TTC28: variants seen among roughly 807,000 people sequenced by gnomAD.
TTC28 encodes the protein tetratricopeptide repeat domain 28, also known as tetratricopeptide repeat protein 28.
A neutral mutation model predicts 198.0 loss-of-function variants in TTC28; 61 were observed. The ratio of observed to expected loss-of-function variants is 0.31; its 90% CI spans 0.25 to 0.38. The LOEUF is 0.38. Among genes scored for constraint, TTC28 ranks in the 10% least tolerant of loss-of-function variants. The pLI, the probability that TTC28 is intolerant of heterozygous loss-of-function variation, is 1.00. For missense variants in TTC28, 2,678 were observed against 3,164.0 expected (o/e 0.85, Z 3.69); for synonymous variants, 1,171 against 1,297.8 (o/e 0.90, Z 2.10).
At chr22:28,310,190 G>A (rs2045231802) in intron 2 of TTC28, among the ~76,000 whole-genome samples, 1 of 143,856 alleles carries the variant, frequency 7.0e-6, no homozygotes, top group Non-Finnish European at 1.5e-5. Flanking sequence ...CAAGACAAGA[G>A]CACCCTCAAG....
intron 12 of TTC28, among the ~76,000 whole-genome samples, chr22:28,062,106 G>A (rs1940565134): frequency 6.6e-6 from 1 of 151,928 alleles, no homozygotes. Context: ...GGAATGCAGT[G>A]GTGTGATTTC....
At chr22:28,394,749 T>A (rs1235751703) in intron 2 of TTC28, among the ~76,000 whole-genome samples, 1 of 152,158 alleles carries the variant, frequency 6.6e-6, no homozygotes, top group Non-Finnish European at 1.5e-5. Context: ...ATGAGGGTGG[T>A]CTCTTGCTTT....
chr22:28,522,189 G>A (rs991668086), intron 2 of TTC28, among the ~76,000 whole-genome samples: 4 of 152,100 alleles, frequency 2.6e-5, no homozygotes, highest in Non-Finnish European at 5.9e-5. Flanking sequence ...TGATTAATAC[G>A]TTTAAGAAAA....
At chr22:28,511,393 A>G (rs1052545284) in intron 2 of TTC28, among the ~76,000 whole-genome samples, 1 of 152,214 alleles carries the variant, frequency 6.6e-6, no homozygotes, top group Admixed American at 6.5e-5. Context: ...ACCTGACAAA[A>G]ACAAGCAATG....
At chr22:28,466,911 G>A (rs1306573297) in intron 2 of TTC28, among the ~76,000 whole-genome samples, 1 of 151,748 alleles carries the variant, frequency 6.6e-6, no homozygotes, top group Non-Finnish European at 1.5e-5. Flanking sequence ...GAGGATATGA[G>A]GAGGCAACTG....
intron 2 of TTC28, among the ~76,000 whole-genome samples, chr22:28,343,283 A>C (rs898612949): frequency 6.6e-6 from 1 of 152,154 alleles, no homozygotes; most frequent in African/African-American, 2.4e-5. Flanking sequence ...TAATCCCAGC[A>C]CTTTGGGAGG....
In TTC28 at chr22:28,188,036, C is replaced by T. The variant is rs116858356; in HGVS notation, c.934-24437G>A. 1.5e-3 allele frequency among the ~76,000 whole-genome samples: 229 copies of T among 152,122 alleles called. 5 individuals carry two copies. In the East Asian group the frequency reaches 0.039, roughly 26 times the overall value. Reference sequence around the variant, plus strand: ...TTGAGTGCCTACTATGTGCTAGGTCCGGGAAATATAAAAATAAACGAGACA... The same window carrying T: ...TTGAGTGCCTACTATGTGCTAGGTCTGGGAAATATAAAAATAAACGAGACA... On this transcript the variant is annotated intron_variant, in intron 5 of 22. Coordinates refer to ENST00000397906, the MANE Select transcript of TTC28 (RefSeq NM_001145418.2).
intron 2 of TTC28, among the ~76,000 whole-genome samples, chr22:28,573,470 T>C (rs1295013349): frequency 6.6e-6 from 1 of 151,392 alleles, no homozygotes; most frequent in African/African-American, 2.4e-5. Context: ...TAAAAAATAA[T>C]AATAATAATA....
intron 12 of TTC28, among the ~76,000 whole-genome samples, chr22:28,066,957 G>A (rs1456087004): frequency 6.6e-6 from 1 of 152,108 alleles, no homozygotes; most frequent in African/African-American, 2.4e-5. Context: ...TGCACTTCCC[G>A]CGTAGATCAA....
intron 2 of TTC28, among the ~76,000 whole-genome samples, chr22:28,604,297 T>TCATA (rs1053139903): frequency 8.8e-6 from 1 of 114,142 alleles, no homozygotes; most frequent in African/African-American, 3.5e-5. Context: ...AAAAAAAAAA[T>TCATA]TATATATATA....
rs1359433523 is a variant in TTC28, at chr22:28,107,437, A to T, written c.2408T>A (p.Val803Asp). 4 of 1,551,674 alleles carry T rather than the reference A, an allele frequency of 2.6e-6. No homozygotes were observed. Among genetic ancestry groups the T allele is most frequent in the Admixed American group, 3.9e-5 (2 of 50,996 alleles). Reference protein sequence around the residue: ...ECRAHGHLAAVYMALGKYTMA... With the variant: ...ECRAHGHLAADYMALGKYTMA... ...TGTGTATTTCCCAAGGGCCATGTAG[A>T]CAGCAGCCAGGTGCCCATGAGCTCT... Residue 803 changes from valine (V) to aspartate (D), a missense_variant, in exon 7 of 23, where the codon GTC becomes GAC. Around this residue, in one of 8 missense-constraint regions of TTC28, gnomAD observed 775 missense variants for 845.9 expected, o/e 0.92. Transcript: ENST00000397906.
intron 5 of TTC28, among the ~76,000 whole-genome samples, chr22:28,178,301 C>CAAA (rs71194755): frequency 0.029 from 3,929 of 137,196 alleles, 207 homozygotes; most frequent in African/African-American, 0.1. Flanking sequence ...CTAATAAATA[C>CAAA]AAAAAAAAAA....
At chr22:28,649,278 T>G (rs532810231) in intron 1 of TTC28, among the ~76,000 whole-genome samples, 2 of 152,182 alleles carry the variant, frequency 1.3e-5, no homozygotes, top group African/African-American at 4.8e-5. Context: ...TGTACACCAC[T>G]CTGGTGATGA....
At chr22:28,644,770 C>T (rs371338369) in intron 1 of TTC28, among the ~76,000 whole-genome samples, 3 of 152,082 alleles carry the variant, frequency 2.0e-5, no homozygotes, top group South Asian at 2.1e-4. Flanking sequence ...ATGCAGTAAG[C>T]CGAGATCGCA....
At chr22:28,554,731 T>C (rs1309096936) in intron 2 of TTC28, among the ~76,000 whole-genome samples, 1 of 151,544 alleles carries the variant, frequency 6.6e-6, no homozygotes, top group African/African-American at 2.4e-5. Flanking sequence ...ATTAACCGGG[T>C]GTGGTGGCAC....
chr22:28,260,529 G>A (rs1204439329), intron 5 of TTC28, among the ~76,000 whole-genome samples: 1 of 152,036 alleles, frequency 6.6e-6, no homozygotes, highest in African/African-American at 2.4e-5. Context: ...GCCTTCTATT[G>A]TTCTTTTGAA....
intron 1 of TTC28, among the ~76,000 whole-genome samples, chr22:28,679,013 A>T (rs1449811181): frequency 2.0e-5 from 3 of 152,180 alleles, no homozygotes; most frequent in Non-Finnish European, 2.9e-5. Context: ...GCCCAGAGAC[A>T]TCCCGTCCAG....
At chr22:28,253,458 C>T (rs1301594964) in intron 5 of TTC28, among the ~76,000 whole-genome samples, 1 of 152,100 alleles carries the variant, frequency 6.6e-6, no homozygotes, top group Non-Finnish European at 1.5e-5. Context: ...TTATACATTA[C>T]ACATTTATTT....
At chr22:28,338,270 A>C (rs1010620438) in intron 2 of TTC28, among the ~76,000 whole-genome samples, 4 of 152,114 alleles carry the variant, frequency 2.6e-5, no homozygotes, top group Non-Finnish European at 5.9e-5. Context: ...GCTGCCCTTA[A>C]CATTTTTTCC....
Sources: gnomAD v4.1 joint callset for allele counts (sites outside exome capture counted in the v4.1 genomes callset) on GRCh38, gnomAD v4.1.1 for gene constraint, gnomAD v4.1.1 regional missense constraint, MANE v1.5 for transcripts, NCBI Gene and HGNC (gene_info 2026-07-23, HGNC 2026-07-21) for gene names.